The following SLC2A13 variants were observed in gnomAD, a reference collection of about 807,000 sequenced individuals.
The protein encoded by SLC2A13 is solute carrier family 2 member 13, also known as proton myo-inositol cotransporter.
SLC2A13 carries 32 observed loss-of-function variants against 64.4 expected under a neutral mutation model. That is an observed-to-expected ratio of 0.50 (90% confidence interval 0.37 to 0.67). The LOEUF is 0.67. Ranked by LOEUF, SLC2A13 falls within the 30% of genes least tolerant of loss-of-function variation. The pLI is 0.00. For synonymous variants in SLC2A13, 338 were observed against 327.1 expected, an observed-to-expected ratio of 1.03 and a Z score of -0.36; for missense variants, 743 against 829.2, an observed-to-expected ratio of 0.90 and a Z score of 1.28.
chr12:39,930,596 G>T (rs1945810023), intron 4 of SLC2A13, among the ~76,000 whole-genome samples: 1 of 152,074 alleles, frequency 6.6e-6, no homozygotes, highest in African/African-American at 2.4e-5. Flanking sequence ...AAATCTAAAA[G>T]AAGTGCAAGT....
intron 3 of SLC2A13, among the ~76,000 whole-genome samples, chr12:39,954,589 T>C (rs184747346): frequency 1.3e-5 from 2 of 152,260 alleles, no homozygotes; most frequent in South Asian, 2.1e-4. Context: ...ACCTTAATAA[T>C]GGTGTAAGTT....
Position 39,764,780 on chromosome 12 carries a change from A to G in SLC2A13, c.1524T>C (p.Thr508=), listed in dbSNP as rs752854394. The change falls in exon 8 of 10, where the codon ACT becomes ACC. Residue 508 remains threonine (T), a synonymous_variant. Transcript: ENST00000280871. The part of the protein sequence containing the change: ...YNFCPTPYSW[T]ALLGLILYLV... ...GATATAAAATAAGGCCCAGAAGTGCAGTCCAGGAGTATGGAGTAGGGCAGA... is the reference window on the plus strand; with the variant it reads ...GATATAAAATAAGGCCCAGAAGTGCGGTCCAGGAGTATGGAGTAGGGCAGA... 1.6e-5 allele frequency: 26 copies of G among 1,612,772 alleles called. No individual in the cohort carries two copies. Among genetic ancestry groups the G allele is most frequent in the Middle Eastern group, 3.3e-4 (2 of 6,066 alleles).
intron 8 of SLC2A13, 30 bp from the exon 9 acceptor site, chr12:39,764,642 AAAATAGCATGT>A: frequency 6.3e-7 from 1 of 1,581,486 alleles, no homozygotes; most frequent in Non-Finnish European, 8.6e-7. Flanking sequence ...AAACTTTAGT[AAAATAGCATGT>A]AAGAAATTTG....
chr12:39,854,438 G>A (rs1057492222), intron 6 of SLC2A13, among the ~76,000 whole-genome samples: 8 of 152,022 alleles, frequency 5.3e-5, no homozygotes, highest in African/African-American at 9.7e-5. Context: ...CCACATAATC[G>A]GCACTGAGTA....
At chr12:39,870,754 T>C (rs537549077) in intron 5 of SLC2A13, among the ~76,000 whole-genome samples, 1 of 152,272 alleles carries the variant, frequency 6.6e-6, no homozygotes, top group Non-Finnish European at 1.5e-5. Flanking sequence ...CACACATTAT[T>C]GGATTCAAGG....
chr12:39,948,516 T>C (rs1216475422), intron 4 of SLC2A13, among the ~76,000 whole-genome samples: 1 of 152,108 alleles, frequency 6.6e-6, no homozygotes, highest in East Asian at 1.9e-4. Context: ...ACAGTAAGAT[T>C]ATATAACACA....
chr12:39,833,852 C>A (rs1942930537), intron 6 of SLC2A13, among the ~76,000 whole-genome samples: 1 of 150,598 alleles, frequency 6.6e-6, no homozygotes, highest in Non-Finnish European at 1.5e-5. Flanking sequence ...GGAGCTCACA[C>A]CCTAATCTTT....
intron 7 of SLC2A13, among the ~76,000 whole-genome samples, chr12:39,788,225 T>C (rs530698223): frequency 2.4e-4 from 37 of 152,266 alleles, no homozygotes; most frequent in Admixed American, 9.2e-4. Context: ...TATGAATATG[T>C]TTATAAGTTA....
chr12:40,059,767 A>G (rs186778660), intron 1 of SLC2A13, among the ~76,000 whole-genome samples: 17 of 152,284 alleles, frequency 1.1e-4, no homozygotes, highest in Admixed American at 1.0e-3. Flanking sequence ...ATGACCTTAC[A>G]CTAACAGAAT....
At chr12:39,939,462 C>G (rs1435896801) in intron 4 of SLC2A13, among the ~76,000 whole-genome samples, 1 of 152,178 alleles carries the variant, frequency 6.6e-6, no homozygotes, top group Non-Finnish European at 1.5e-5. Context: ...CACCCTTTCC[C>G]TTATAAACCG....
intron 1 of SLC2A13, among the ~76,000 whole-genome samples, chr12:40,067,359 G>T (rs956818498): frequency 6.6e-6 from 1 of 151,892 alleles, no homozygotes; most frequent in Non-Finnish European, 1.5e-5. Flanking sequence ...GTGCCACCAC[G>T]CCTGGCTAAT....
At chr12:39,761,778 A>G (rs778074888) in intron 9 of SLC2A13, among the ~76,000 whole-genome samples, 4 of 152,092 alleles carry the variant, frequency 2.6e-5, no homozygotes, top group Non-Finnish European at 4.4e-5. Flanking sequence ...ATAAGTACAG[A>G]TGGTAAAACA....
chr12:40,103,376 T>G (rs900237713), intron 1 of SLC2A13, among the ~76,000 whole-genome samples: 1 of 152,196 alleles, frequency 6.6e-6, no homozygotes, highest in Admixed American at 6.5e-5. Context: ...CTGTACCCCC[T>G]CTGAATTCAT....
intron 3 of SLC2A13, among the ~76,000 whole-genome samples, chr12:39,996,677 G>A (rs771692243): frequency 6.6e-6 from 1 of 152,216 alleles, no homozygotes; most frequent in South Asian, 2.1e-4. Flanking sequence ...CCAACATAGA[G>A]TTCGGGCCGT....
At chr12:39,852,915 TA>T (rs546143171) in intron 6 of SLC2A13, among the ~76,000 whole-genome samples, 220 of 152,296 alleles carry the variant, frequency 1.4e-3, no homozygotes, top group African/African-American at 5.1e-3. Flanking sequence ...GGGTGTAAAC[TA>T]AATAGCCAAT....
At chr12:40,036,538 T>G (rs1017481276) in intron 2 of SLC2A13, among the ~76,000 whole-genome samples, 2 of 152,228 alleles carry the variant, frequency 1.3e-5, no homozygotes, top group Admixed American at 6.5e-5. Flanking sequence ...TTGATGAACT[T>G]CATATGGAAT....
chr12:39,963,025 G>A (rs182543905), intron 3 of SLC2A13, among the ~76,000 whole-genome samples: 3 of 152,118 alleles, frequency 2.0e-5, no homozygotes, highest in South Asian at 2.1e-4. Context: ...AATAGCTCAC[G>A]CCTGTAATCC....
intron 1 of SLC2A13, among the ~76,000 whole-genome samples, chr12:40,100,692 G>A (rs1279668676): frequency 1.3e-5 from 2 of 152,250 alleles, no homozygotes; most frequent in South Asian, 4.2e-4. Flanking sequence ...GGCCGGGCAT[G>A]GTGGCTCACA....
chr12:39,776,488 GT>G (rs1940784265), intron 7 of SLC2A13, among the ~76,000 whole-genome samples: 1 of 152,214 alleles, frequency 6.6e-6, no homozygotes, highest in Non-Finnish European at 1.5e-5. Context: ...GTGGCATATG[GT>G]TTATATTCTC....
Sources: gnomAD v4.1 joint callset for allele counts (sites outside exome capture counted in the v4.1 genomes callset) on GRCh38, gnomAD v4.1.1 for gene constraint, MANE v1.5 for transcripts, NCBI Gene and HGNC (gene_info 2026-07-23, HGNC 2026-07-21) for gene names.